The following CNTNAP2 variants were observed in gnomAD, a reference collection of about 807,000 sequenced individuals.
CNTNAP2 encodes contactin-associated protein-like 2.
CNTNAP2 carries 98 observed loss-of-function variants against 155.2 expected under a neutral mutation model. The ratio of observed to expected loss-of-function variants is 0.63; its 90% CI spans 0.54 to 0.75. CNTNAP2 has a LOEUF of 0.75. CNTNAP2 is among the 30% of genes least tolerant of loss of function. The probability of loss-of-function intolerance (pLI) is 0.00; values close to 1 mark genes in which losing one functional copy is unlikely to be tolerated. For missense variants in CNTNAP2, 1,727 were observed against 1,688.1 expected, an observed-to-expected ratio of 1.02 and a Z score of -0.40; for synonymous variants, 651 against 631.2, an observed-to-expected ratio of 1.03 and a Z score of -0.47.
intron 1 of CNTNAP2, among the ~76,000 whole-genome samples, chr7:146,262,914 C>T (rs1055225490): frequency 5.3e-5 from 8 of 152,076 alleles, no homozygotes; most frequent in African/African-American, 1.9e-4. Flanking sequence ...TCCTTAAAAC[C>T]TTAATAACAA....
intron 2 of CNTNAP2, among the ~76,000 whole-genome samples, chr7:146,777,346 T>G (rs1010135120): frequency 2.0e-4 from 30 of 152,154 alleles, no homozygotes; most frequent in Non-Finnish European, 1.2e-4. Flanking sequence ...AACGCTCTCA[T>G]TTTTGCTCCC....
chr7:146,752,544 A>G (rs1190731038), intron 1 of CNTNAP2, among the ~76,000 whole-genome samples: 1 of 152,122 alleles, frequency 6.6e-6, no homozygotes, highest in African/African-American at 2.4e-5. Context: ...GTAGATTGCA[A>G]AAATTTTCTC....
At chr7:147,232,420 C>T (rs1803701578) in intron 8 of CNTNAP2, among the ~76,000 whole-genome samples, 1 of 152,192 alleles carries the variant, frequency 6.6e-6, no homozygotes, top group Admixed American at 6.5e-5. Context: ...GGAGGCATCA[C>T]AGTCCTTGCT....
chr7:146,701,547 CAG>C (rs1334287375), intron 1 of CNTNAP2, among the ~76,000 whole-genome samples: 1 of 152,040 alleles, frequency 6.6e-6, no homozygotes, highest in African/African-American at 2.4e-5. Context: ...AACTTATAGA[CAG>C]GGGTATTATT....
intron 9 of CNTNAP2, among the ~76,000 whole-genome samples, chr7:147,358,375 A>T (rs748135330): frequency 3.4e-4 from 52 of 152,190 alleles, no homozygotes; most frequent in Non-Finnish European, 1.0e-4. Flanking sequence ...TATATTACCC[A>T]TAAATTTCTC....
intron 12 of CNTNAP2, among the ~76,000 whole-genome samples, chr7:147,612,275 T>G (rs1049248141): frequency 4.6e-5 from 7 of 152,140 alleles, no homozygotes; most frequent in Non-Finnish European, 7.4e-5. Flanking sequence ...ATCTGAATGT[T>G]TATATAAAGT....
intron 1 of CNTNAP2, among the ~76,000 whole-genome samples, chr7:146,698,467 T>G (rs1323062243): frequency 6.6e-6 from 1 of 152,168 alleles, no homozygotes; most frequent in African/African-American, 2.4e-5. Flanking sequence ...ATTTAAAATT[T>G]TATACCACTC....
chr7:147,115,382 A>C lies in CNTNAP2; in HGVS notation c.755-5597A>C, dbSNP rs181475465. On this transcript the variant is annotated intron_variant, in intron 5 of 23. Transcript: ENST00000361727. ...GTTGGCCTTCTTCCTAGGTTGGGGA[A>C]GTTCTCCTGGATCATATCCTGAAGT... Among the ~76,000 whole-genome samples, 564 of 152,266 alleles carry C rather than the reference A, an allele frequency of 3.7e-3. 4 individuals are homozygous for C. The highest frequency in any genetic ancestry group is 0.013 in the African/African-American group (544 of 41,548).
At chr7:147,001,303 T>C (rs1353465232) in intron 3 of CNTNAP2, among the ~76,000 whole-genome samples, 1 of 152,058 alleles carries the variant, frequency 6.6e-6, no homozygotes, top group Non-Finnish European at 1.5e-5. Flanking sequence ...AGAGTCTTAA[T>C]TGACAGTCTT....
intron 2 of CNTNAP2, among the ~76,000 whole-genome samples, chr7:146,834,939 A>T (rs917125232): frequency 6.6e-6 from 1 of 152,218 alleles, no homozygotes; most frequent in African/African-American, 2.4e-5. Context: ...GCATTGCTTG[A>T]TAGACCAAAG....
intron 8 of CNTNAP2, among the ~76,000 whole-genome samples, chr7:147,155,386 A>G (rs1801903334): frequency 6.6e-6 from 1 of 152,140 alleles, no homozygotes; most frequent in Non-Finnish European, 1.5e-5. Flanking sequence ...CTATCTTGTT[A>G]TAGTAGCCCA....
chr7:146,475,458 G>C (rs1443126005), intron 1 of CNTNAP2, among the ~76,000 whole-genome samples: 1 of 152,104 alleles, frequency 6.6e-6, no homozygotes, highest in African/African-American at 2.4e-5. Context: ...GAAATAGGCA[G>C]AAAAAAATAT....
chr7:146,404,132 A>AAAAAAG (rs1344168013), intron 1 of CNTNAP2, among the ~76,000 whole-genome samples: 1 of 150,222 alleles, frequency 6.7e-6, no homozygotes, highest in Non-Finnish European at 1.5e-5. Flanking sequence ...CTCAAAAAAA[A>AAAAAAG]AAAAAAAAAA....
intron 11 of CNTNAP2, among the ~76,000 whole-genome samples, chr7:147,558,970 T>G (rs1292862497): frequency 6.6e-6 from 1 of 152,110 alleles, no homozygotes; most frequent in Admixed American, 6.5e-5. Context: ...CTTAATCTCT[T>G]GACCTTCAGC....
intron 13 of CNTNAP2, among the ~76,000 whole-genome samples, chr7:147,646,685 C>A (rs1191436021): frequency 6.6e-6 from 1 of 152,072 alleles, no homozygotes; most frequent in African/African-American, 2.4e-5. Flanking sequence ...AAGGGAGGAG[C>A]AGGCTGCAAA....
chr7:148,162,303 A>AG (rs1196797234), intron 17 of CNTNAP2, among the ~76,000 whole-genome samples: 1 of 152,220 alleles, frequency 6.6e-6, no homozygotes, highest in Non-Finnish European at 1.5e-5. Context: ...CAAGAGTTCT[A>AG]GGCTGATATA....
At chr7:147,081,581 A>ATT (rs1185342089) in intron 4 of CNTNAP2, 1 of 100,896 alleles carries the variant, frequency 9.9e-6, no homozygotes, top group African/African-American at 4.6e-5. Context: ...CACCCGGCTA[A>ATT]TTTGTGTGTG....
intron 1 of CNTNAP2, among the ~76,000 whole-genome samples, chr7:146,247,756 T>A (rs1225619631): frequency 3.9e-5 from 6 of 152,024 alleles, no homozygotes; most frequent in Admixed American, 1.3e-4. Context: ...AGATTTTAGG[T>A]CAGGTGAGAG....
chr7:147,475,064 A>G lies in CNTNAP2; in HGVS notation c.1671-10871A>G, dbSNP rs569790082. Reference sequence around the variant, plus strand: ...GATTGTGTCTTATCAGTACACATAGATCTGCGTTGTCTTTTTAATGGCTGT... The same window carrying G: ...GATTGTGTCTTATCAGTACACATAGGTCTGCGTTGTCTTTTTAATGGCTGT... On this transcript the variant is annotated intron_variant, in intron 10 of 23. Coordinates refer to ENST00000361727, the MANE Select transcript of CNTNAP2 (RefSeq NM_014141.6). Among the ~76,000 whole-genome samples, 3 of 152,282 alleles carry G rather than the reference A, an allele frequency of 2.0e-5. No homozygotes were observed. The South Asian group carries it at 6.2e-4, about 32-fold the overall frequency.
Sources: allele counts gnomAD v4.1 joint callset (sites outside exome capture counted in the v4.1 genomes callset), GRCh38; gene constraint gnomAD v4.1.1; transcripts MANE v1.5; gene names NCBI Gene and HGNC (gene_info 2026-07-23, HGNC 2026-07-21).